The following NINL variants were observed in gnomAD, a reference collection of about 807,000 sequenced individuals.
NINL encodes the protein ninein-like protein.
Under a neutral mutation model 160.3 loss-of-function variants are expected in NINL, and 153 were observed. The ratio of observed to expected loss-of-function variants is 0.95; its 90% CI spans 0.84 to 1.09. The LOEUF (loss-of-function observed/expected upper bound fraction) is 1.09, where lower values mean the gene tolerates loss of function less well. Among genes scored for constraint, NINL ranks in the 50% least tolerant of loss-of-function variants. The probability of loss-of-function intolerance (pLI) is 0.00; values close to 1 mark genes in which losing one functional copy is unlikely to be tolerated. For missense variants in NINL, 1,829 were observed against 1,764.0 expected (o/e 1.04, Z -0.66); for synonymous variants, 800 against 734.8 (o/e 1.09, Z -1.43).
chr20:25,479,273 A>T, intron 15 of NINL, 67 bp from the exon 16 acceptor site: 1 of 1,528,718 alleles, frequency 6.5e-7, no homozygotes, highest in Non-Finnish European at 8.8e-7. Flanking sequence ...CTGACGTAAC[A>T]CAGAAACACG....
intron 1 of NINL, among the ~76,000 whole-genome samples, chr20:25,561,185 C>T (rs1022709278): frequency 3.3e-5 from 5 of 152,294 alleles, no homozygotes; most frequent in South Asian, 2.1e-4. Context: ...TGCAGGCGCG[C>T]GCCGCCACGC....
chr20:25,575,022 G>GA (rs933823507), intron 1 of NINL, among the ~76,000 whole-genome samples: 27 of 149,468 alleles, frequency 1.8e-4, no homozygotes, highest in South Asian at 8.5e-4. Flanking sequence ...ATCAAGCAAA[G>GA]AAAAAAAAAG....
chr20:25,572,203 C>A (rs533435977), intron 1 of NINL, among the ~76,000 whole-genome samples: 31 of 151,756 alleles, frequency 2.0e-4, no homozygotes, highest in African/African-American at 7.5e-4. Context: ...GCACATTTTG[C>A]CATTCTGAGT....
intron 1 of NINL, among the ~76,000 whole-genome samples, chr20:25,539,262 C>T (rs571989662): frequency 4.7e-4 from 71 of 152,338 alleles, no homozygotes; most frequent in South Asian, 2.1e-4. Context: ...TTCACAGCAG[C>T]GGGATCTTCC....
At chr20:25,499,671 G>A (rs1437754490) in intron 8 of NINL, among the ~76,000 whole-genome samples, 1 of 152,050 alleles carries the variant, frequency 6.6e-6, no homozygotes, top group Admixed American at 6.5e-5. Flanking sequence ...ATGAGGTTGC[G>A]CCAATGAGGG....
At chr20:25,570,696 T>TA (rs1469139354) in intron 1 of NINL, among the ~76,000 whole-genome samples, 1 of 111,172 alleles carries the variant, frequency 9.0e-6, no homozygotes, top group Non-Finnish European at 1.8e-5. Context: ...CAAGTAGACT[T>TA]TTTTTTTTTT....
rs530320510 is a variant in NINL, at chr20:25,534,824, T to C, written c.-11-8226A>G. ...GTAGTATTTGCCTATAACCTATGCA[T>C]ATCCTCCTGTATACTTTAAATCACC... On this transcript the variant is annotated intron_variant, in intron 1 of 23. Coordinates refer to ENST00000278886, the MANE Select transcript of NINL (RefSeq NM_025176.6). Among the ~76,000 whole-genome samples, 14 of 152,336 alleles carry C rather than the reference T, an allele frequency of 9.2e-5. 1 individual carries two copies. The South Asian group carries it at 2.9e-3, about 32-fold the overall frequency.
chr20:25,556,866 C>T (rs1312364028), intron 1 of NINL, among the ~76,000 whole-genome samples: 1 of 152,050 alleles, frequency 6.6e-6, no homozygotes, highest in African/African-American at 2.4e-5. Flanking sequence ...AAATGATAAA[C>T]TTTGGATAGA....
chr20:25,461,762 C>T, intron 20 of NINL, 127 bp from the exon 21 acceptor site: 2 of 641,542 alleles, frequency 3.1e-6, no homozygotes, highest in South Asian at 3.8e-5. Context: ...TGTGAACCCA[C>T]CAACCAAGGC....
At chr20:25,496,943 T>G in intron 9 of NINL, 140 bp from the exon 10 acceptor site, 1 of 1,110,246 alleles carries the variant, frequency 9.0e-7, no homozygotes, top group South Asian at 1.6e-5. Flanking sequence ...TCCACCAGCC[T>G]GCTCCTAAGG....
At position 25,489,972 on chromosome 20, in the gene NINL, A is replaced by C; in HGVS notation, c.1499T>G (p.Leu500Arg). ...CACCACTTCCACAATCTCCTTCTGT[A>C]GGCGACTGTTTTCCTAGGAGACACA... is the stretch of plus-strand genomic sequence containing the variant. ...LTLALKENSR[L>R]QKEIVEVVEK... Residue 500 changes from leucine (L) to arginine (R), a missense_variant, in exon 12 of 24, where the codon CTA becomes CGA. Transcript: ENST00000278886. 2 of 1,614,184 alleles carry C rather than the reference A, an allele frequency of 1.2e-6. No individual in the cohort carries two copies. Among genetic ancestry groups the C allele is most frequent in the East Asian group, 4.5e-5 (2 of 44,886 alleles).
chr20:25,476,913 T>G lies in NINL; in HGVS notation c.2378A>C (p.Glu793Ala). ...RALKLQPCAS[E>A]KRAQMCVSLA... ...CGATACGCACATCTGGGCGCGCTTCTCGCTCGCACAGGGCTGCAGCTTCAG... is the reference window on the plus strand; with the variant it reads ...CGATACGCACATCTGGGCGCGCTTCGCGCTCGCACAGGGCTGCAGCTTCAG... Residue 793 changes from glutamate to alanine, a missense_variant, in exon 17 of 24, where the codon GAG becomes GCG. Physicochemically the swap from Glu to Ala is moderately radical, Grantham distance 107 (BLOSUM62 -1). Coordinates refer to ENST00000278886, the MANE Select transcript of NINL (RefSeq NM_025176.6). 6.2e-7 allele frequency: 1 copy of G among 1,612,938 alleles called. No homozygotes were observed. Among genetic ancestry groups the G allele is most frequent in the South Asian group, 1.1e-5 (1 of 91,060 alleles).
At chr20:25,503,009 A>C (rs574415180) in intron 7 of NINL, among the ~76,000 whole-genome samples, 1 of 152,354 alleles carries the variant, frequency 6.6e-6, no homozygotes, top group East Asian at 1.9e-4. Flanking sequence ...GACGGGAGGG[A>C]GTTTTCTTGC....
At chr20:25,566,250 T>C (rs1007173353) in intron 1 of NINL, among the ~76,000 whole-genome samples, 5 of 152,120 alleles carry the variant, frequency 3.3e-5, no homozygotes, top group Non-Finnish European at 5.9e-5. Flanking sequence ...ACGGGAGGAA[T>C]ATGAAGCCTC....
At chr20:25,562,946 T>C (rs1479402623) in intron 1 of NINL, among the ~76,000 whole-genome samples, 1 of 152,092 alleles carries the variant, frequency 6.6e-6, no homozygotes, top group Non-Finnish European at 1.5e-5. Context: ...GGCGGGCAGA[T>C]CACGAGGTCA....
intron 1 of NINL, among the ~76,000 whole-genome samples, chr20:25,555,354 A>G (rs1338151023): frequency 4.6e-5 from 7 of 152,206 alleles, no homozygotes; most frequent in African/African-American, 1.7e-4. Flanking sequence ...ATTTTGATGG[A>G]TATAGCCAAA....
At chr20:25,542,008 GGCCT>G (rs2064671062) in intron 1 of NINL, among the ~76,000 whole-genome samples, 1 of 152,156 alleles carries the variant, frequency 6.6e-6, no homozygotes, top group Non-Finnish European at 1.5e-5. Flanking sequence ...GATCCTTATG[GGCCT>G]GCTACCATCC....
At chr20:25,506,519 C>T (rs1323982342) in intron 5 of NINL, among the ~76,000 whole-genome samples, 1 of 152,134 alleles carries the variant, frequency 6.6e-6, no homozygotes, top group Non-Finnish European at 1.5e-5. Flanking sequence ...GCAACCCCAC[C>T]ATAAGCTGAA....
intron 13 of NINL, among the ~76,000 whole-genome samples, chr20:25,487,363 A>T (rs952241315): frequency 5.3e-5 from 8 of 152,180 alleles, no homozygotes; most frequent in Non-Finnish European, 1.0e-4. Flanking sequence ...CATATGACTT[A>T]TCTGTTCACC....
Sources: gnomAD v4.1 joint callset for allele counts (sites outside exome capture counted in the v4.1 genomes callset) on GRCh38, gnomAD v4.1.1 for gene constraint, MANE v1.5 for transcripts, NCBI Gene and HGNC (gene_info 2026-07-23, HGNC 2026-07-21) for gene names.